DLG2: variants seen among roughly 807,000 people sequenced by gnomAD.
DLG2 encodes discs large MAGUK scaffold protein 2, also known as disks large homolog 2.
In DLG2, 45 loss-of-function variants were observed where a neutral mutation model predicts 132.5. The ratio of observed to expected loss-of-function variants is 0.34; its 90% CI spans 0.27 to 0.44. DLG2 has a LOEUF of 0.44. Ranked by LOEUF, DLG2 falls within the 20% of genes least tolerant of loss-of-function variation. DLG2 has a pLI of 1.00. For synonymous variants in DLG2, 424 were observed against 419.6 expected (o/e 1.01, Z -0.13); for missense variants, 1,045 against 1,196.9 (o/e 0.87, Z 1.87).
chr11:84,810,919 T>C (rs1405765221), intron 6 of DLG2, among the ~76,000 whole-genome samples: 4 of 152,136 alleles, frequency 2.6e-5, no homozygotes, highest in Non-Finnish European at 4.4e-5. Flanking sequence ...TCCCAGAGAT[T>C]AAGAAGAGAC....
At chr11:84,434,720 C>G (rs1347375109) in intron 7 of DLG2, among the ~76,000 whole-genome samples, 1 of 151,928 alleles carries the variant, frequency 6.6e-6, no homozygotes, top group Non-Finnish European at 1.5e-5. Flanking sequence ...TGAGGCAAAA[C>G]AGTAGACAAG....
At chr11:85,132,190 T>C (rs1252390011) in intron 5 of DLG2, among the ~76,000 whole-genome samples, 1 of 152,200 alleles carries the variant, frequency 6.6e-6, no homozygotes, top group Non-Finnish European at 1.5e-5. Context: ...ATGCAAATAT[T>C]TGTGTATAAT....
intron 15 of DLG2, among the ~76,000 whole-genome samples, chr11:83,896,593 T>A (rs1218897263): frequency 6.6e-6 from 1 of 152,220 alleles, no homozygotes; most frequent in Non-Finnish European, 1.5e-5. Flanking sequence ...TACGACTGAG[T>A]TTTTTATTAA....
intron 11 of DLG2, among the ~76,000 whole-genome samples, chr11:83,996,462 T>C (rs1315084260): frequency 1.3e-5 from 2 of 152,136 alleles, no homozygotes; most frequent in Non-Finnish European, 2.9e-5. Context: ...TCAGCGATCC[T>C]ACTTATGGCT....
chr11:84,639,078 A>G (rs532201257), intron 6 of DLG2, among the ~76,000 whole-genome samples: 1 of 152,252 alleles, frequency 6.6e-6, no homozygotes, highest in African/African-American at 2.4e-5. Context: ...TAACTTTTAA[A>G]TTTAGTTATT....
chr11:85,408,638 C>T (rs1244843764), intron 3 of DLG2, among the ~76,000 whole-genome samples: 1 of 148,898 alleles, frequency 6.7e-6, no homozygotes, highest in Non-Finnish European at 1.5e-5. Context: ...TGAGTGAGAA[C>T]ATGCGGTGTT....
intron 21 of DLG2, among the ~76,000 whole-genome samples, chr11:83,526,275 T>C (rs753220263): frequency 8.5e-5 from 13 of 152,212 alleles, no homozygotes; most frequent in Non-Finnish European, 1.5e-4. Context: ...GCTTTCCTAT[T>C]GCCACTTTTG....
intron 22 of DLG2, among the ~76,000 whole-genome samples, chr11:83,480,912 A>ATTTC (rs1408362271): frequency 2.0e-5 from 3 of 152,214 alleles, no homozygotes; most frequent in African/African-American, 4.8e-5. Flanking sequence ...CTTGAATTTT[A>ATTTC]TTTCTATTTA....
At chr11:85,013,196 G>A (rs1213113332) in intron 6 of DLG2, among the ~76,000 whole-genome samples, 1 of 152,124 alleles carries the variant, frequency 6.6e-6, no homozygotes, top group Non-Finnish European at 1.5e-5. Flanking sequence ...TATAGCACTT[G>A]TAGTATAGTA....
intron 22 of DLG2, chr11:83,483,259 T>A (rs762668873): frequency 5.0e-5 from 81 of 1,612,124 alleles, no homozygotes; most frequent in Non-Finnish European, 6.7e-5. Context: ...TTACTCAGAG[T>A]CTTTGTTCCA....
intron 18 of DLG2, among the ~76,000 whole-genome samples, chr11:83,700,562 CTG>C (rs954551697): frequency 3.3e-5 from 5 of 152,136 alleles, no homozygotes; most frequent in African/African-American, 1.2e-4. Context: ...ATCCATGACT[CTG>C]AGAATTAGAA....
chr11:84,518,694 T>C (rs963418108), intron 7 of DLG2, among the ~76,000 whole-genome samples: 2 of 152,056 alleles, frequency 1.3e-5, no homozygotes, highest in African/African-American at 4.8e-5. Context: ...CTGAGATTTT[T>C]CCCCCCAATT....
intron 6 of DLG2, among the ~76,000 whole-genome samples, chr11:85,069,280 A>G (rs549372708): frequency 5.9e-5 from 9 of 152,276 alleles, no homozygotes; most frequent in African/African-American, 1.9e-4. Context: ...AGCAATGGCA[A>G]CAGAAGCCAA....
chr11:85,071,806 C>G (rs1016647727), intron 6 of DLG2, among the ~76,000 whole-genome samples: 3 of 151,760 alleles, frequency 2.0e-5, no homozygotes, highest in African/African-American at 4.8e-5. Flanking sequence ...CTGGACCAAG[C>G]CTTGAAGCCA....
At chr11:85,052,679 C>T (rs1266855709) in intron 6 of DLG2, among the ~76,000 whole-genome samples, 1 of 152,116 alleles carries the variant, frequency 6.6e-6, no homozygotes, top group Non-Finnish European at 1.5e-5. Flanking sequence ...CCAAAGGAAA[C>T]ATCTTTGTAT....
At chr11:85,316,118 G>A (rs1418379542) in intron 3 of DLG2, among the ~76,000 whole-genome samples, 1 of 151,828 alleles carries the variant, frequency 6.6e-6, no homozygotes, top group African/African-American at 2.4e-5. Context: ...AGGTCAAACA[G>A]AAGATTTTTT....
chr11:83,484,741 T>G (rs1266191026), intron 21 of DLG2, among the ~76,000 whole-genome samples: 1 of 148,740 alleles, frequency 6.7e-6, no homozygotes, highest in African/African-American at 2.5e-5. Context: ...CTTAGTGTCT[T>G]GATGTCTTTT....
intron 14 of DLG2, among the ~76,000 whole-genome samples, chr11:83,961,586 G>A (rs1051806886): frequency 2.0e-5 from 3 of 151,970 alleles, no homozygotes; most frequent in African/African-American, 7.2e-5. Context: ...TAAATGGATA[G>A]TGTATAAAAA....
At chr11:83,715,100 T>C (rs1031844880) in intron 18 of DLG2, among the ~76,000 whole-genome samples, 3 of 152,170 alleles carry the variant, frequency 2.0e-5, no homozygotes, top group Non-Finnish European at 2.9e-5. Flanking sequence ...GATGAGTTCA[T>C]GTCCTTGCAA....
Sources: allele counts gnomAD v4.1 joint callset (sites outside exome capture counted in the v4.1 genomes callset), GRCh38; gene constraint gnomAD v4.1.1; transcripts MANE v1.5; gene names NCBI Gene and HGNC (gene_info 2026-07-23, HGNC 2026-07-21).